The following MAB21L3 variants were observed in gnomAD, a reference collection of about 807,000 sequenced individuals.
The protein encoded by MAB21L3 is mab-21 like 3.
In MAB21L3, 36 loss-of-function variants were observed where a neutral mutation model predicts 37.7. The observed-to-expected ratio is 0.96, with a 90% CI of 0.73 to 1.26. The LOEUF (loss-of-function observed/expected upper bound fraction) is 1.26. MAB21L3 is among the 50% of genes most tolerant of loss of function. The pLI is 0.00. For missense variants in MAB21L3, 430 were observed against 447.3 expected, an observed-to-expected ratio of 0.96 and a Z score of 0.35; for synonymous variants, 186 against 176.8, an observed-to-expected ratio of 1.05 and a Z score of -0.41.
At chr1:116,121,096 A>C in intron 4 of MAB21L3, 24 bp downstream of exon 4, 1 of 1,607,230 alleles carries the variant, frequency 6.2e-7, no homozygotes, top group Non-Finnish European at 8.5e-7. Context: ...GCTGTCTCTA[A>C]GTGCCACCAA....
At chr1:116,133,002 TG>T in intron 7 of MAB21L3, 129 bp from the exon 8 acceptor site, 1 of 746,396 alleles carries the variant, frequency 1.3e-6, no homozygotes, top group Non-Finnish European at 2.3e-6. Flanking sequence ...TGTGAATTCA[TG>T]GTAGATCCAG....
intron 4 of MAB21L3, among the ~76,000 whole-genome samples, chr1:116,121,438 A>C (rs1351778139): frequency 6.6e-6 from 1 of 152,220 alleles, no homozygotes; most frequent in Non-Finnish European, 1.5e-5. Flanking sequence ...GGCTCAGAGA[A>C]GTCAAATGAC....
chr1:116,117,721 T>A (rs188463464), intron 3 of MAB21L3, among the ~76,000 whole-genome samples: 67 of 152,320 alleles, frequency 4.4e-4, no homozygotes, highest in African/African-American at 1.5e-3. Flanking sequence ...CAGCAGTCTA[T>A]CGCCTGAAAT....
At chr1:116,120,821 T>C in intron 3 of MAB21L3, 111 bp from the exon 4 acceptor site, 2 of 1,389,118 alleles carry the variant, frequency 1.4e-6, no homozygotes, top group Non-Finnish European at 1.9e-6. Context: ...ATTTTTGAGC[T>C]GAACTCCCTC....
rs747348204 is a variant in MAB21L3 at position 116,123,958 on chromosome 1, G to T, written c.190-108G>T. The T allele has an allele frequency of 2.7e-6, 3 of 1,103,966 alleles. No individual in the cohort carries two copies. In the East Asian group the frequency reaches 7.2e-5, roughly 26 times the overall value. 68.4% of individuals were successfully genotyped at this position (1,103,966 alleles called of 1,614,324 possible). ...CGTGTATCTGGTCACTCTGCTGAGGGTGGAGTGGTTAACAGAGCTGCCTGA... is the reference window on the plus strand; with the variant it reads ...CGTGTATCTGGTCACTCTGCTGAGGTTGGAGTGGTTAACAGAGCTGCCTGA... On this transcript the variant is annotated intron_variant, in intron 4 of 7. Coordinates refer to ENST00000369500, the MANE Select transcript of MAB21L3 (RefSeq NM_152367.3).
intron 5 of MAB21L3, among the ~76,000 whole-genome samples, chr1:116,125,943 G>A (rs1209595680): frequency 6.6e-6 from 1 of 152,202 alleles, no homozygotes; most frequent in African/African-American, 2.4e-5. Flanking sequence ...CATTATTCAT[G>A]GTGAAAGTGC....
At chr1:116,120,861 C>T in intron 3 of MAB21L3, 71 bp from the exon 4 acceptor site, 3 of 1,572,904 alleles carry the variant, frequency 1.9e-6, no homozygotes, top group Admixed American at 1.8e-5. Flanking sequence ...CTTGTCTCCT[C>T]ACTCTCTTAT....
chr1:116,124,148 G>A lies in MAB21L3; in HGVS notation c.272G>A (p.Arg91Gln), dbSNP rs775154274. The change falls in exon 5 of 8, where the codon CGG becomes CAG. Residue 91 changes from arginine (R) to glutamine (Q), a missense_variant. Arg to Gln is a conservative substitution (Grantham distance 43). Coordinates refer to ENST00000369500, the MANE Select transcript of MAB21L3 (RefSeq NM_152367.3). Reference sequence around the variant, plus strand: ...AGGGAGGCCAGGGAGCAGCACTGGCGGTACTACACACTGCAGGGCACCAGG... The same window carrying A: ...AGGGAGGCCAGGGAGCAGCACTGGCAGTACTACACACTGCAGGGCACCAGG... ...GYREAREQHW[R>Q]YYTLQGTRLP... 1.2e-5 allele frequency: 20 copies of A among 1,614,062 alleles called. No individual in the cohort carries two copies. In the East Asian group the frequency reaches 1.6e-4, roughly 13 times the overall value.
intron 3 of MAB21L3, among the ~76,000 whole-genome samples, chr1:116,117,171 A>ATATATG (rs1484609097): frequency 7.0e-6 from 1 of 143,116 alleles, no homozygotes; most frequent in African/African-American, 2.6e-5. Context: ...ACATATATAT[A>ATATATG]TATATATATA....
At chr1:116,130,605 TG>T (rs1203540496) in intron 7 of MAB21L3, among the ~76,000 whole-genome samples, 3 of 152,194 alleles carry the variant, frequency 2.0e-5, no homozygotes, top group Non-Finnish European at 2.9e-5. Flanking sequence ...TGGAAGAGGT[TG>T]GGTTGCAAAA....
intron 3 of MAB21L3, among the ~76,000 whole-genome samples, chr1:116,116,186 C>A (rs560590356): frequency 6.6e-6 from 1 of 152,264 alleles, no homozygotes; most frequent in African/African-American, 2.4e-5. Flanking sequence ...GAGAAACAGT[C>A]TGGGGGTTCT....
chr1:116,133,075 A>C, intron 7 of MAB21L3, 57 bp from the exon 8 acceptor site: 1 of 1,419,100 alleles, frequency 7.0e-7, no homozygotes, highest in Non-Finnish European at 9.9e-7. Flanking sequence ...AATTGTTTCC[A>C]AGCTATCCTC....
Position 116,133,577 on chromosome 1 carries a change from G to T in MAB21L3, c.*212G>T, listed in dbSNP as rs530637695. On this transcript the variant is annotated 3_prime_UTR_variant, in exon 8 of 8. Transcript: ENST00000369500. Reference sequence around the variant, plus strand: ...TCCCTGGAGCCCAGCAAGCATTTCTGCCCTAGCTAATTCTCCTGGAGACAG... The same window carrying T: ...TCCCTGGAGCCCAGCAAGCATTTCTTCCCTAGCTAATTCTCCTGGAGACAG... The T allele has an allele frequency of 5.5e-5, 33 of 596,846 alleles. 1 individual carries two copies. The highest frequency in any genetic ancestry group is 5.3e-4 in the East Asian group (19 of 35,936). The allele number at this position is 596,846 out of a possible 1,614,324, so 37.0% of individuals were successfully genotyped here.
Position 116,136,552 on chromosome 1 carries a change from A to G in MAB21L3, c.*3187A>G, listed in dbSNP as rs964655127. On this transcript the variant is annotated 3_prime_UTR_variant, in exon 8 of 8. Transcript: ENST00000369500. The stretch of plus-strand genomic sequence containing the variant: ...ATCGTCAAAATGGCCAGACTGCCCA[A>G]GGTAATTTACAGATTCAATGCCATC... Among the ~76,000 whole-genome samples, 2 of 152,246 alleles carry G rather than the reference A, an allele frequency of 1.3e-5. No individual in the cohort carries two copies. Among genetic ancestry groups the G allele is most frequent in the African/African-American group, 4.8e-5 (2 of 41,454 alleles).
rs1553230661 is a variant in MAB21L3, at chr1:116,117,162, C to CATT, written c.49-3768_49-3767insTAT. 3.5e-5 allele frequency among the ~76,000 whole-genome samples: 4 copies of CATT among 114,570 alleles called. No individual in the cohort carries two copies. In the East Asian group the frequency reaches 8.2e-4, roughly 24 times the overall value. 75.2% of individuals were successfully genotyped at this position (114,570 alleles called of 152,430 possible). A position where few individuals can be genotyped will look rare whatever the true frequency, so the allele number is the denominator to read the frequency against. ...TAACTCAGGAATCAAAATATACATA[C>CATT]ATATATATATATATATATATATATA... On this transcript the variant is annotated intron_variant, in intron 3 of 7. Coordinates refer to ENST00000369500, the MANE Select transcript of MAB21L3 (RefSeq NM_152367.3).
At chr1:116,120,904 C>A in intron 3 of MAB21L3, 28 bp from the exon 4 acceptor site, 1 of 1,612,068 alleles carries the variant, frequency 6.2e-7, no homozygotes, top group Admixed American at 1.7e-5. Context: ...AGGAAATAAC[C>A]ACCATTGCTG....
intron 2 of MAB21L3, 83 bp downstream of exon 2, chr1:116,111,893 TGTGTGTGCCTGTGTGTAC>T (rs1427678661): frequency 2.9e-4 from 44 of 152,980 alleles, no homozygotes; most frequent in East Asian, 2.7e-3. Flanking sequence ...CCTGTGTATA[TGTGTGTGCCTGTGTGTAC>T]GTGTGTGCCT....
At chr1:116,127,677 A>C in intron 6 of MAB21L3, 33 bp downstream of exon 6, 7 of 1,584,016 alleles carry the variant, frequency 4.4e-6, no homozygotes, top group Admixed American at 3.6e-5. Context: ...TTGCCAGAGC[A>C]GTGATGCCAA....
Position 116,133,270 on chromosome 1 carries a change from A to T in MAB21L3, c.994A>T (p.Ser332Cys), listed in dbSNP as rs557233733. ...CCTGAAACACTATTTCGTCCGGAACAGCAACCTCTTTCAGTGCACCAACCC... is the reference window on the plus strand; with the variant it reads ...CCTGAAACACTATTTCGTCCGGAACTGCAACCTCTTTCAGTGCACCAACCC... ...HFLKHYFVRN[S>C]NLFQCTNPTE... Residue 332 changes from serine to cysteine, a missense_variant, in exon 8 of 8, where the codon AGC becomes TGC. Physicochemically the swap from Ser to Cys is moderately radical, Grantham distance 112 (BLOSUM62 -1). Transcript: ENST00000369500. The T allele has an allele frequency of 1.2e-5, 20 of 1,614,210 alleles. No individual in the cohort carries two copies. The Middle Eastern group carries it at 4.9e-4, about 40-fold the overall frequency.
Sources: allele counts gnomAD v4.1 joint callset (sites outside exome capture counted in the v4.1 genomes callset), GRCh38; gene constraint gnomAD v4.1.1; transcripts MANE v1.5; gene names NCBI Gene and HGNC (gene_info 2026-07-23, HGNC 2026-07-21).